ACOXL: variants seen among roughly 807,000 people sequenced by gnomAD.
ACOXL encodes the protein acyl-CoA oxidase like, also known as acyl-coenzyme A oxidase-like protein.
In ACOXL, 70 loss-of-function variants were observed where a neutral mutation model predicts 71.9. The ratio of observed to expected loss-of-function variants is 0.97; its 90% CI spans 0.80 to 1.19. The LOEUF (loss-of-function observed/expected upper bound fraction) is 1.19. Among genes scored for constraint, ACOXL ranks in the 50% most tolerant of loss-of-function variants. ACOXL has a pLI of 0.00. For synonymous variants in ACOXL, 253 were observed against 281.6 expected (o/e 0.90, Z 1.02); for missense variants, 703 against 736.3 (o/e 0.95, Z 0.52).
chr2:110,993,285 C>A (rs2062224), intron 13 of ACOXL, among the ~76,000 whole-genome samples: 1 of 151,928 alleles, frequency 6.6e-6, no homozygotes, highest in Non-Finnish European at 1.5e-5. Flanking sequence ...TCTTTCATGC[C>A]CCTTCTTGGA....
At chr2:110,973,768 A>C (rs112208013) in intron 12 of ACOXL, among the ~76,000 whole-genome samples, 30 of 152,256 alleles carry the variant, frequency 2.0e-4, no homozygotes, top group African/African-American at 7.0e-4. Flanking sequence ...ATTTCCATAA[A>C]GGCCTGTTTA....
intron 16 of ACOXL, among the ~76,000 whole-genome samples, chr2:111,071,409 A>G (rs754673904): frequency 4.6e-5 from 7 of 152,110 alleles, no homozygotes; most frequent in Non-Finnish European, 1.5e-5. Flanking sequence ...GTCTGGCCCA[A>G]TTTTTATTCA....
intron 16 of ACOXL, among the ~76,000 whole-genome samples, chr2:111,061,245 CAAAG>C (rs1364865360): frequency 6.6e-6 from 1 of 151,990 alleles, no homozygotes; most frequent in African/African-American, 2.4e-5. Flanking sequence ...AAACTGAAGA[CAAAG>C]AAAGTCTTAA....
intron 16 of ACOXL, among the ~76,000 whole-genome samples, chr2:111,078,992 A>G (rs1265824775): frequency 6.6e-6 from 1 of 152,156 alleles, no homozygotes; most frequent in Non-Finnish European, 1.5e-5. Context: ...TGCACCACTA[A>G]CAGGCCAGTC....
At chr2:110,970,641 G>A (rs903132278) in intron 12 of ACOXL, among the ~76,000 whole-genome samples, 2 of 152,112 alleles carry the variant, frequency 1.3e-5, no homozygotes, top group South Asian at 2.1e-4. Context: ...GCAATAAAAA[G>A]AAATTAAAAC....
chr2:110,775,724 C>CA lies in ACOXL; in HGVS notation c.75+7268dup, dbSNP rs539695027. 6.7e-4 allele frequency among the ~76,000 whole-genome samples: 102 copies of CA among 151,384 alleles called. No individual in the cohort carries two copies. In the South Asian group the frequency reaches 0.013, roughly 20 times the overall value. ...TTACACCCATTAGGATGGTTATTAT[C>CA]AAAAAAAACAAAAAACCAGAAAAGA... On this transcript the variant is annotated intron_variant, in intron 2 of 17. Transcript: ENST00000439055.
At position 110,874,742 on chromosome 2, in the gene ACOXL, C is replaced by T. The variant is rs970811096; in HGVS notation, c.788+33337C>T. Among the ~76,000 whole-genome samples the T allele has an allele frequency of 5.9e-5, 9 of 152,182 alleles. 1 individual carries two copies. Among genetic ancestry groups the T allele is most frequent in the Admixed American group, 4.6e-4 (7 of 15,280 alleles). On this transcript the variant is annotated intron_variant, in intron 10 of 17. Coordinates refer to ENST00000439055, the MANE Select transcript of ACOXL (RefSeq NM_001142807.4). Reference sequence around the variant, plus strand: ...GAGCTCACGGTGGAGGCCGTGAGGGCTGTGCTGCTTGTGTTTTAGAATGAT... The same window carrying T: ...GAGCTCACGGTGGAGGCCGTGAGGGTTGTGCTGCTTGTGTTTTAGAATGAT...
chr2:110,964,650 G>A (rs755467139), intron 12 of ACOXL, among the ~76,000 whole-genome samples: 1 of 152,198 alleles, frequency 6.6e-6, no homozygotes, highest in Non-Finnish European at 1.5e-5. Context: ...ATACTGTACT[G>A]AATACCATAG....
intron 12 of ACOXL, among the ~76,000 whole-genome samples, chr2:110,946,654 C>T (rs981214209): frequency 1.3e-5 from 2 of 152,196 alleles, no homozygotes; most frequent in African/African-American, 4.8e-5. Flanking sequence ...CAGTTTGGCT[C>T]TAACTTGTAA....
At chr2:110,972,595 T>TAC (rs1479734562) in intron 12 of ACOXL, among the ~76,000 whole-genome samples, 1 of 151,650 alleles carries the variant, frequency 6.6e-6, no homozygotes, top group Non-Finnish European at 1.5e-5. Context: ...AATACATATA[T>TAC]ACACACACAT....
chr2:110,947,619 C>T (rs2061157233), intron 12 of ACOXL, among the ~76,000 whole-genome samples: 1 of 152,350 alleles, frequency 6.6e-6, no homozygotes, highest in South Asian at 2.1e-4. Context: ...CTTCCCTTCT[C>T]CCCCTCTGCC....
chr2:110,773,672 C>T (rs1343457712), intron 2 of ACOXL, among the ~76,000 whole-genome samples: 5 of 152,210 alleles, frequency 3.3e-5, no homozygotes, highest in Admixed American at 3.3e-4. Flanking sequence ...GGAACCCAGG[C>T]TTCTCCTAGT....
chr2:110,760,424 G>A (rs1680251848), intron 1 of ACOXL, among the ~76,000 whole-genome samples: 3 of 152,330 alleles, frequency 2.0e-5, no homozygotes, highest in South Asian at 4.1e-4. Context: ...GATTACAGGC[G>A]TGAGCCACCG....
intron 14 of ACOXL, among the ~76,000 whole-genome samples, chr2:110,996,463 T>G (rs974242575): frequency 2.0e-5 from 3 of 152,216 alleles, no homozygotes; most frequent in East Asian, 1.9e-4. Context: ...TCAGCATTGA[T>G]AGAAATCTAG....
chr2:110,911,740 A>T (rs2059658809), intron 11 of ACOXL, among the ~76,000 whole-genome samples: 1 of 152,008 alleles, frequency 6.6e-6, no homozygotes, highest in Admixed American at 6.5e-5. Context: ...TCTGTGAAAA[A>T]CCCACAGTTA....
chr2:110,765,894 T>A (rs757322487), intron 1 of ACOXL, among the ~76,000 whole-genome samples: 3 of 152,252 alleles, frequency 2.0e-5, no homozygotes, highest in Non-Finnish European at 4.4e-5. Flanking sequence ...TCAAGTTCAC[T>A]GATTCTATTA....
chr2:110,789,563 T>C (rs570764128), intron 3 of ACOXL, among the ~76,000 whole-genome samples: 2 of 152,316 alleles, frequency 1.3e-5, no homozygotes, highest in East Asian at 1.9e-4. Flanking sequence ...TGTGTCCTCA[T>C]TGGTGAAGAG....
intron 16 of ACOXL, among the ~76,000 whole-genome samples, chr2:111,066,580 C>A (rs2067085305): frequency 1.3e-5 from 2 of 152,092 alleles, no homozygotes; most frequent in African/African-American, 2.4e-5. Flanking sequence ...TAATTTCTGA[C>A]AATTGCATGT....
intron 10 of ACOXL, among the ~76,000 whole-genome samples, chr2:110,882,247 G>T (rs79530332): frequency 8.0e-4 from 122 of 152,014 alleles, no homozygotes; most frequent in African/African-American, 2.9e-3. Context: ...ATTTGCCTAC[G>T]CTTGTTTGCT....
Sources: allele counts gnomAD v4.1 joint callset (sites outside exome capture counted in the v4.1 genomes callset), GRCh38; gene constraint gnomAD v4.1.1; transcripts MANE v1.5; gene names NCBI Gene and HGNC (gene_info 2026-07-23, HGNC 2026-07-21).